Variants in ALCAM observed in about 807,000 individuals in gnomAD.
The protein encoded by ALCAM is CD166 antigen.
In ALCAM, 30 loss-of-function variants were observed where a neutral mutation model predicts 70.9. The ratio of observed to expected loss-of-function variants is 0.42; its 90% CI spans 0.32 to 0.57. The LOEUF (loss-of-function observed/expected upper bound fraction) is 0.57. ALCAM is among the 20% of genes least tolerant of loss of function. The pLI is 0.11. For synonymous variants in ALCAM, 249 were observed against 242.5 expected (o/e 1.03, Z -0.25); for missense variants, 591 against 695.1 (o/e 0.85, Z 1.68).
In ALCAM at chr3:105,520,057, T is replaced by C. The variant is rs2291376; in HGVS notation, c.74-10T>C. 0.37 allele frequency: 537,196 copies of C among 1,461,436 alleles called. 96,989 individuals carry two copies. Among genetic ancestry groups the C allele is most frequent in the East Asian group, 0.51 (21,635 of 42,194 alleles). 90.5% of individuals were successfully genotyped at this position (1,461,436 alleles called of 1,614,324 possible). ...TTTCTCTCTTCTTCCTTTTTTTTTTTCCCCCAAAGGCCTTGGATGGTATAC... is the reference window on the plus strand; with the variant it reads ...TTTCTCTCTTCTTCCTTTTTTTTTTCCCCCCAAAGGCCTTGGATGGTATAC... On this transcript the variant is annotated splice_polypyrimidine_tract_variant and intron_variant, in intron 1 of 15. Coordinates refer to ENST00000306107, the MANE Select transcript of ALCAM (RefSeq NM_001627.4).
chr3:105,548,551 T>C (rs562824118), intron 11 of ALCAM, among the ~76,000 whole-genome samples: 5 of 151,564 alleles, frequency 3.3e-5, no homozygotes, highest in African/African-American at 1.2e-4. Context: ...GCTTACGCCA[T>C]GCAGTTTTGC....
chr3:105,506,852 A>G (rs551243635), intron 1 of ALCAM, among the ~76,000 whole-genome samples: 13 of 152,318 alleles, frequency 8.5e-5, no homozygotes, highest in African/African-American at 2.9e-4. Context: ...CTAAGCCTCT[A>G]CTCAAGACAC....
chr3:105,391,521 T>G (rs1935817616), intron 1 of ALCAM, among the ~76,000 whole-genome samples: 1 of 152,104 alleles, frequency 6.6e-6, no homozygotes, highest in Non-Finnish European at 1.5e-5. Context: ...TATAGGATCA[T>G]GTCATCTGCA....
intron 1 of ALCAM, among the ~76,000 whole-genome samples, chr3:105,445,265 A>G (rs1357346049): frequency 1.3e-5 from 2 of 152,196 alleles, no homozygotes; most frequent in African/African-American, 2.4e-5. Context: ...CAAGGAGGTG[A>G]AAGATTACTA....
chr3:105,576,773 T>C lies in ALCAM; in HGVS notation c.*2322T>C, dbSNP rs1940968936. ...GTTTCGGCTCTCCAATTTAACTCTT[T>C]GGCAACAGGAAACAGGTTTTGCAAG... On this transcript the variant is annotated 3_prime_UTR_variant, in exon 16 of 16. Coordinates refer to ENST00000306107, the MANE Select transcript of ALCAM (RefSeq NM_001627.4). The C allele has an allele frequency of 6.6e-6, 1 of 152,232 alleles. No homozygotes were observed. The highest frequency in any genetic ancestry group is 2.1e-4 in the South Asian group (1 of 4,836). The allele number at this position is 152,232 out of a possible 1,614,324, so 9.4% of individuals were successfully genotyped here.
intron 2 of ALCAM, among the ~76,000 whole-genome samples, chr3:105,521,901 T>G (rs1296801078): frequency 1.3e-5 from 2 of 152,316 alleles, no homozygotes; most frequent in East Asian, 3.9e-4. Flanking sequence ...TGGTTTCCTA[T>G]AAATGTGGAA....
At chr3:105,436,159 A>AAC (rs539998095) in intron 1 of ALCAM, among the ~76,000 whole-genome samples, 20 of 152,266 alleles carry the variant, frequency 1.3e-4, no homozygotes, top group African/African-American at 3.6e-4. Context: ...TCCTTCCCAC[A>AAC]ACACATGGGA....
At chr3:105,531,523 AT>A (rs11337024) in intron 3 of ALCAM, 146,151 of 151,440 alleles carry the variant, frequency 0.97, 70,688 homozygotes, top group East Asian at 1. Flanking sequence ...GAGTTATGGG[AT>A]TTTTTTTTTT....
At chr3:105,504,456 T>TGGGGGAAGCCAGAAGGAGGATGAA (rs1939007458) in intron 1 of ALCAM, among the ~76,000 whole-genome samples, 1 of 152,198 alleles carries the variant, frequency 6.6e-6, no homozygotes, top group East Asian at 1.9e-4. Context: ...TCTCAGCAGA[T>TGGGGGAAGCCAGAAGGAGGATGAA]GGGGGAAGCC....
chr3:105,408,466 C>G (rs1936304451), intron 1 of ALCAM, among the ~76,000 whole-genome samples: 1 of 152,036 alleles, frequency 6.6e-6, no homozygotes, highest in Non-Finnish European at 1.5e-5. Flanking sequence ...ACACCCTATT[C>G]AACAAATGGT....
Position 105,447,677 on chromosome 3 carries a change from G to A in ALCAM, c.74-72390G>A, listed in dbSNP as rs973209864. Among the ~76,000 whole-genome samples, 7 of 152,126 alleles carry A rather than the reference G, an allele frequency of 4.6e-5. No individual in the cohort carries two copies. In the South Asian group the frequency reaches 8.3e-4, roughly 18 times the overall value. On this transcript the variant is annotated intron_variant, in intron 1 of 15. Transcript: ENST00000306107. ...CAGTGAGCCATAATCATGCCACTGC[G>A]CTCCAGCCTGGGTGACAGAGCAAGA...
intron 1 of ALCAM, among the ~76,000 whole-genome samples, chr3:105,487,434 C>T (rs1938461152): frequency 6.6e-6 from 1 of 152,124 alleles, no homozygotes; most frequent in South Asian, 2.1e-4. Flanking sequence ...GTGGAGCCAA[C>T]TCCATGTTTC....
Position 105,533,599 on chromosome 3 carries a change from G to A in ALCAM, c.460-4G>A. The A allele has an allele frequency of 6.2e-7, 1 of 1,609,776 alleles. No homozygotes were observed. The highest frequency in any genetic ancestry group is 8.5e-7 in the Non-Finnish European group (1 of 1,177,116). On this transcript the variant is annotated splice_region_variant and splice_polypyrimidine_tract_variant and intron_variant, in intron 4 of 15. Coordinates refer to ENST00000306107, the MANE Select transcript of ALCAM (RefSeq NM_001627.4). ...GGTAATAACATTGCCTTTTTATTTT[G>A]CAGTTGGGTGACTGCATTTCAGAAG...
intron 4 of ALCAM, among the ~76,000 whole-genome samples, chr3:105,533,286 T>C (rs1333463616): frequency 1.3e-5 from 2 of 152,132 alleles, no homozygotes; most frequent in South Asian, 2.1e-4. Context: ...AGTAATGTTA[T>C]TTGGTTAATG....
At chr3:105,526,483 C>T (rs983656796) in intron 3 of ALCAM, among the ~76,000 whole-genome samples, 1 of 152,046 alleles carries the variant, frequency 6.6e-6, no homozygotes, top group East Asian at 1.9e-4. Context: ...GCCAACACCC[C>T]CCTACTCCCT....
At chr3:105,432,512 G>T (rs570254038) in intron 1 of ALCAM, among the ~76,000 whole-genome samples, 1 of 152,036 alleles carries the variant, frequency 6.6e-6, no homozygotes, top group East Asian at 1.9e-4. Context: ...TAGATATTCC[G>T]ATTTTCTCTT....
At chr3:105,556,491 C>T (rs1204413226) in intron 14 of ALCAM, among the ~76,000 whole-genome samples, 1 of 151,920 alleles carries the variant, frequency 6.6e-6, no homozygotes, top group African/African-American at 2.4e-5. Context: ...ATCTAAAAGT[C>T]AGAAATACCC....
intron 11 of ALCAM, among the ~76,000 whole-genome samples, chr3:105,549,653 A>G (rs1054897202): frequency 6.6e-6 from 1 of 151,472 alleles, no homozygotes; most frequent in African/African-American, 2.4e-5. Flanking sequence ...TTAGAAAAAA[A>G]TGGTTTCATG....
At chr3:105,391,309 C>G (rs992361068) in intron 1 of ALCAM, among the ~76,000 whole-genome samples, 1 of 152,016 alleles carries the variant, frequency 6.6e-6, no homozygotes, top group Admixed American at 6.6e-5. Context: ...AGAGGTCCTT[C>G]ACATCCCTTG....
Sources: gnomAD v4.1 joint callset for allele counts (sites outside exome capture counted in the v4.1 genomes callset) on GRCh38, gnomAD v4.1.1 for gene constraint, MANE v1.5 for transcripts, NCBI Gene and HGNC (gene_info 2026-07-23, HGNC 2026-07-21) for gene names.